C4orf51: variants seen among roughly 807,000 people sequenced by gnomAD.
C4orf51 encodes the protein uncharacterized protein C4orf51.
In C4orf51, 25 loss-of-function variants were observed where a neutral mutation model predicts 25.2. The ratio of observed to expected loss-of-function variants is 0.99; its 90% CI spans 0.72 to 1.39. The LOEUF (loss-of-function observed/expected upper bound fraction) is 1.39. Ranked by LOEUF, C4orf51 falls within the 40% of genes most tolerant of loss-of-function variation. The pLI is 0.00. For missense variants in C4orf51, 252 were observed against 239.6 expected (o/e 1.05, Z -0.34); for synonymous variants, 100 against 84.5 (o/e 1.18, Z -1.01).
At chr4:145,723,946 C>T (rs930320550) in intron 2 of C4orf51, among the ~76,000 whole-genome samples, 6 of 152,118 alleles carry the variant, frequency 3.9e-5, no homozygotes, top group South Asian at 4.2e-4. Context: ...CTCCATATAC[C>T]GCTAAAGAAA....
chr4:145,760,742 TTTGTCTCTC>T, intron 1 of C4orf51: 1 of 1,031,538 alleles, frequency 9.7e-7, no homozygotes, highest in Non-Finnish European at 1.2e-6. Flanking sequence ...TTTTTTGTCT[TTTGTCTCTC>T]TGTTTTTGGT....
intron 3 of C4orf51, among the ~76,000 whole-genome samples, chr4:145,728,242 C>G (rs546529778): frequency 8.6e-5 from 13 of 151,624 alleles, no homozygotes; most frequent in Non-Finnish European, 1.5e-4. Flanking sequence ...AAACTGCCTT[C>G]CCAAAAACTG....
Position 145,763,679 on chromosome 4 carries a change from A to C in C4orf51, n.167-7309A>C, listed in dbSNP as rs565295837. On this transcript the variant is annotated intron_variant and non_coding_transcript_variant, in intron 1 of 1. Coordinates refer to the C4orf51 transcript ENST00000510096. This position sits in a 1 kb window ranked among gnomAD's most constrained non-coding sequence, Gnocchi z 4.6. ...GGGAAGGGCAGTGAGCACTGGTCCA[A>C]CCACAGAAAAACATGGTTCTGGTGT... Among the ~76,000 whole-genome samples the C allele has an allele frequency of 6.6e-6, 1 of 152,244 alleles. No homozygotes were observed. Among genetic ancestry groups the C allele is most frequent in the Admixed American group, 6.5e-5 (1 of 15,290 alleles).
intron 2 of C4orf51, among the ~76,000 whole-genome samples, chr4:145,702,418 A>G (rs1267715027): frequency 6.6e-6 from 1 of 151,984 alleles, no homozygotes; most frequent in Non-Finnish European, 1.5e-5. Context: ...CCTGACACCC[A>G]TTAGGCTCAG....
At position 145,732,513 on chromosome 4, in the gene C4orf51, C is replaced by T; in HGVS notation, c.562C>T (p.Arg188Ter). 1 of 1,611,186 alleles carries T rather than the reference C, an allele frequency of 6.2e-7. No homozygotes were observed. The highest frequency in any genetic ancestry group is 8.5e-7 in the Non-Finnish European group (1 of 1,179,020). ...VCSSEDSEAD[R>*]YSDYGWGGPS... ...CTCATCTGAGGATTCAGAAGCTGAT[C>T]GATACTCCGATTATGGCTGGGGAGG... The change falls in exon 6 of 6, where the codon CGA (arginine) becomes TGA (stop). Residue 188 changes from arginine (R) to a stop codon, truncating the protein, a stop_gained. Transcript: ENST00000438731. LOFTEE classifies it low-confidence loss of function (END_TRUNC).
downstream of C4orf51, among the ~76,000 whole-genome samples, chr4:145,772,626 G>A (rs190597167): frequency 1.0e-3 from 157 of 152,284 alleles, 1 homozygote; most frequent in African/African-American, 3.5e-3. Context: ...GACAGAAACT[G>A]TATGACCTGA....
chr4:145,736,273 G>A (rs1289552905), downstream of C4orf51, among the ~76,000 whole-genome samples: 1 of 151,774 alleles, frequency 6.6e-6, no homozygotes, highest in African/African-American at 2.4e-5. Context: ...TAGGCATGAG[G>A]AGTTTTGACA....
Position 145,763,008 on chromosome 4 carries a change from C to T in C4orf51, n.167-7980C>T, listed in dbSNP as rs1734770271. On this transcript the variant is annotated intron_variant and non_coding_transcript_variant, in intron 1 of 1. Transcript: ENST00000510096. The surrounding 1 kb of genome is among the most constrained non-coding windows in gnomAD (Gnocchi z 4.6). ...CCGTTAGCCTTTGAACCTCAGCTCACAGAAGAGTGCACACGAGAGAAATAT... is the reference window on the plus strand; with the variant it reads ...CCGTTAGCCTTTGAACCTCAGCTCATAGAAGAGTGCACACGAGAGAAATAT... 1 of 1,348,512 alleles carries T rather than the reference C, an allele frequency of 7.4e-7. No individual in the cohort carries two copies. The highest frequency in any genetic ancestry group is 1.3e-5 in the South Asian group (1 of 76,044). 83.5% of individuals were successfully genotyped at this position (1,348,512 alleles called of 1,614,324 possible). A position where few individuals can be genotyped will look rare whatever the true frequency, so the allele number is the denominator to read the frequency against.
the C4orf51 span, among the ~76,000 whole-genome samples, chr4:145,776,698 C>T: frequency 6.6e-6 from 1 of 152,192 alleles, no homozygotes; most frequent in East Asian, 1.9e-4. Flanking sequence ...TGCAGGACTA[C>T]AGCGTAAAAG....
At chr4:145,775,530 C>G (rs1457061826), downstream of C4orf51, among the ~76,000 whole-genome samples, 1 of 151,988 alleles carries the variant, frequency 6.6e-6, no homozygotes, top group African/African-American at 2.4e-5. Context: ...CCCCAGAGCC[C>G]GTCTCTGTCT....
At chr4:145,717,950 G>A (rs1375721249) in intron 2 of C4orf51, among the ~76,000 whole-genome samples, 1 of 152,246 alleles carries the variant, frequency 6.6e-6, no homozygotes, top group African/African-American at 2.4e-5. Context: ...TCTCTCCATT[G>A]TACTATGCTA....
In C4orf51 at chr4:145,696,639, G is replaced by A; in HGVS notation, c.307+7G>A. 1 of 1,608,480 alleles carries A rather than the reference G, an allele frequency of 6.2e-7. No individual in the cohort carries two copies. Among genetic ancestry groups the A allele is most frequent in the Non-Finnish European group, 8.5e-7 (1 of 1,176,224 alleles). ...GAGACTACAGATATCAAAGGTAAGT[G>A]CAACATGATCAGTTTCTGGGCCCAG... On this transcript the variant is annotated splice_region_variant and intron_variant, in intron 2 of 5. Coordinates refer to ENST00000438731, the MANE Select transcript of C4orf51 (RefSeq NM_001080531.3).
intron 1 of C4orf51, among the ~76,000 whole-genome samples, chr4:145,682,729 G>A (rs971371916): frequency 6.6e-6 from 1 of 152,102 alleles, no homozygotes; most frequent in Non-Finnish European, 1.5e-5. Context: ...AAAGGATTCC[G>A]AATTTGGAGA....
intron 2 of C4orf51, among the ~76,000 whole-genome samples, chr4:145,704,098 C>G (rs187724112): frequency 4.6e-5 from 7 of 152,220 alleles, no homozygotes; most frequent in African/African-American, 7.2e-5. Context: ...AGTGGCAAGG[C>G]AGGTTTAGAG....
chr4:145,737,258 T>C (rs1326557147), downstream of C4orf51, among the ~76,000 whole-genome samples: 2 of 152,206 alleles, frequency 1.3e-5, no homozygotes, highest in Non-Finnish European at 2.9e-5. Flanking sequence ...GAATTAATAT[T>C]TGTCTTAACA....
At chr4:145,757,817 AT>A (rs1454174909), downstream of C4orf51, 1 of 152,202 alleles carries the variant, frequency 6.6e-6, no homozygotes, top group Non-Finnish European at 1.5e-5. Context: ...CCTTGACAGT[AT>A]GATCATCTGA....
chr4:145,696,708 T>C, intron 2 of C4orf51, 76 bp downstream of exon 2: 3 of 1,091,406 alleles, frequency 2.7e-6, no homozygotes, highest in Non-Finnish European at 2.7e-6. Context: ...TTCTTTTTTT[T>C]TCTCTCACTT....
chr4:145,698,186 GT>G, intron 2 of C4orf51, among the ~76,000 whole-genome samples: 1 of 152,090 alleles, frequency 6.6e-6, no homozygotes, highest in East Asian at 1.9e-4. Context: ...CTGCTATTTA[GT>G]TATATGGGTT....
intron 2 of C4orf51, among the ~76,000 whole-genome samples, chr4:145,704,850 A>G (rs1730691793): frequency 6.6e-6 from 1 of 152,228 alleles, no homozygotes; most frequent in Non-Finnish European, 1.5e-5. Flanking sequence ...GAAAAGCTTT[A>G]GAGCAGGAAT....
Sources: gnomAD v4.1 joint callset for allele counts (sites outside exome capture counted in the v4.1 genomes callset) on GRCh38, gnomAD v4.1.1 for gene constraint, Gnocchi (gnomAD v3.1) non-coding constraint, MANE v1.5 for transcripts, NCBI Gene and HGNC (gene_info 2026-07-23, HGNC 2026-07-21) for gene names.